CD109: variants seen among roughly 807,000 people sequenced by gnomAD.
CD109 encodes the protein CD109 molecule.
In CD109, 149 loss-of-function variants were observed where a neutral mutation model predicts 165.8. The ratio of observed to expected loss-of-function variants is 0.90; its 90% CI spans 0.79 to 1.03. The LOEUF is 1.03. Among genes scored for constraint, CD109 ranks in the 50% least tolerant of loss-of-function variants. The pLI, the probability that CD109 is intolerant of heterozygous loss-of-function variation, is 0.00. For synonymous variants in CD109, 585 were observed against 592.1 expected (o/e 0.99, Z 0.18); for missense variants, 1,712 against 1,677.8 (o/e 1.02, Z -0.36).
Position 73,788,456 on chromosome 6 carries a change from T to G in CD109, c.2557-12T>G, listed in dbSNP as rs778467924. 5 of 1,607,204 alleles carry G rather than the reference T, an allele frequency of 3.1e-6. 1 individual carries two copies. Among genetic ancestry groups the G allele is most frequent in the Non-Finnish European group, 4.2e-6 (5 of 1,178,210 alleles). The stretch of plus-strand genomic sequence containing the variant: ...TAGAGACCATGTTAATTGTGTTCAT[T>G]TTTTTCAACAGGCTGAAGGAATAGA... On this transcript the variant is annotated splice_polypyrimidine_tract_variant and intron_variant, in intron 21 of 32. Transcript: ENST00000287097.
intron 2 of CD109, among the ~76,000 whole-genome samples, chr6:73,713,910 T>C (rs187356232): frequency 8.5e-5 from 13 of 152,144 alleles, no homozygotes; most frequent in Non-Finnish European, 1.8e-4. Context: ...AAAAATAAAT[T>C]ACCACCCCTC....
intron 15 of CD109, among the ~76,000 whole-genome samples, chr6:73,776,252 T>A (rs543785015): frequency 3.3e-5 from 5 of 152,216 alleles, no homozygotes; most frequent in African/African-American, 1.2e-4. Context: ...TGTGTGTTTT[T>A]ATTTTATTTT....
intron 24 of CD109, among the ~76,000 whole-genome samples, chr6:73,804,550 T>G (rs1390219599): frequency 1.3e-5 from 2 of 152,160 alleles, no homozygotes; most frequent in Non-Finnish European, 2.9e-5. Context: ...TGTTGGCAGG[T>G]GGGGGCTGGG....
At position 73,766,822 on chromosome 6, in the gene CD109, A is replaced by G; in HGVS notation, c.1396A>G (p.Thr466Ala). 6.2e-7 allele frequency: 1 copy of G among 1,613,144 alleles called. No individual in the cohort carries two copies. The highest frequency in any genetic ancestry group is 8.5e-7 in the Non-Finnish European group (1 of 1,179,362). ...TAGTCTGTTTAAGTCTCCTAGTAAG[A>G]CATACATCCAACTAAAAACAAGAGA... ...VHSLFKSPSK[T>A]YIQLKTRDEN... The change falls in exon 12 of 33, where the codon ACA (threonine) becomes GCA (alanine). Residue 466 changes from threonine (T) to alanine (A), a missense_variant. Coordinates refer to ENST00000287097, the MANE Select transcript of CD109 (RefSeq NM_133493.5).
At chr6:73,805,891 CAGA>C (rs971605403) in intron 24 of CD109, among the ~76,000 whole-genome samples, 1 of 152,126 alleles carries the variant, frequency 6.6e-6, no homozygotes, top group Non-Finnish European at 1.5e-5. Context: ...CATCTCAAGG[CAGA>C]AGAATTTTTC....
At chr6:73,738,101 G>A (rs1035664292) in intron 5 of CD109, among the ~76,000 whole-genome samples, 2 of 152,154 alleles carry the variant, frequency 1.3e-5, no homozygotes, top group African/African-American at 2.4e-5. Flanking sequence ...AATGACATAA[G>A]GGGGACAGAC....
rs1379184950 is a variant in CD109 at position 73,782,764 on chromosome 6, T to G, written c.2105+9T>G. ...CTAGACACCAACATGGGGTAAAAAT[T>G]TATAAAGTTCTTTGCCCATACATAT... On this transcript the variant is annotated intron_variant, in intron 18 of 32. Transcript: ENST00000287097. 12 of 1,612,662 alleles carry G rather than the reference T, an allele frequency of 7.4e-6. No homozygotes were observed. Among genetic ancestry groups the G allele is most frequent in the Non-Finnish European group, 1.0e-5 (12 of 1,179,366 alleles).
At position 73,783,737 on chromosome 6, in the gene CD109, T is replaced by A; in HGVS notation, c.2136T>A (p.Thr712=). Residue 712 remains threonine (T), a synonymous_variant, in exon 19 of 33, where the codon ACT becomes ACA. Coordinates refer to ENST00000287097, the MANE Select transcript of CD109 (RefSeq NM_133493.5). ...GGATTTACCAAGAATTTGAAGTAAC[T>A]GTACCTGATTCTATCACTTCTTGGG... The part of the protein sequence containing the change: ...GYRIYQEFEV[T]VPDSITSWVA... 1 of 1,612,246 alleles carries A rather than the reference T, an allele frequency of 6.2e-7. No individual in the cohort carries two copies. Among genetic ancestry groups the A allele is most frequent in the Non-Finnish European group, 8.5e-7 (1 of 1,178,488 alleles).
At chr6:73,800,543 A>G (rs1410805800) in intron 23 of CD109, among the ~76,000 whole-genome samples, 1 of 152,232 alleles carries the variant, frequency 6.6e-6, no homozygotes, top group African/African-American at 2.4e-5. Flanking sequence ...TCCCTCTAGC[A>G]GTGGATCAGT....
Position 73,717,349 on chromosome 6 carries a change from T to G in CD109, c.248-5902T>G, listed in dbSNP as rs370976798. Among the ~76,000 whole-genome samples, 4 of 152,252 alleles carry G rather than the reference T, an allele frequency of 2.6e-5. No individual in the cohort carries two copies. In the East Asian group the frequency reaches 7.7e-4, roughly 29 times the overall value. On this transcript the variant is annotated intron_variant, in intron 2 of 32. Transcript: ENST00000287097. ...ATTTTGATAGAGATTGCATTAAATCTATAGATTGCTTTAGGCAGCATGGAC... is the reference window on the plus strand; with the variant it reads ...ATTTTGATAGAGATTGCATTAAATCGATAGATTGCTTTAGGCAGCATGGAC...
At chr6:73,762,961 C>T (rs1773690991) in intron 9 of CD109, 79 bp downstream of exon 9, 3 of 1,215,784 alleles carry the variant, frequency 2.5e-6, no homozygotes, top group Non-Finnish European at 3.4e-6. Flanking sequence ...CTGGCACTTT[C>T]ATTTGGGAGC....
intron 22 of CD109, among the ~76,000 whole-genome samples, chr6:73,792,106 C>T (rs1774991758): frequency 6.6e-6 from 1 of 152,080 alleles, no homozygotes; most frequent in African/African-American, 2.4e-5. Flanking sequence ...TTTTCCGAAT[C>T]CTTTTGATCC....
At chr6:73,819,964 G>GT (rs11423828) in intron 31 of CD109, among the ~76,000 whole-genome samples, 89,048 of 152,058 alleles carry the variant, frequency 0.59, 26,909 homozygotes, top group African/African-American at 0.74. Context: ...AATGAGTGTT[G>GT]TTGCCAAATT....
chr6:73,718,405 T>A (rs1464007480), intron 2 of CD109, among the ~76,000 whole-genome samples: 1 of 152,124 alleles, frequency 6.6e-6, no homozygotes, highest in Non-Finnish European at 1.5e-5. Context: ...TGGCTTTTTT[T>A]ATGTTGAGGT....
intron 2 of CD109, among the ~76,000 whole-genome samples, chr6:73,719,865 GA>G (rs1420486162): frequency 1.3e-5 from 2 of 152,158 alleles, no homozygotes; most frequent in African/African-American, 2.4e-5. Context: ...TTTACTTGCT[GA>G]AATATCCTAG....
At chr6:73,766,594 A>G (rs1773860396) in intron 11 of CD109, among the ~76,000 whole-genome samples, 165 bp from the exon 12 acceptor site, 1 of 151,538 alleles carries the variant, frequency 6.6e-6, no homozygotes, top group Non-Finnish European at 1.5e-5. Context: ...TCTTTACAGT[A>G]TAAGCTATAA....
intron 5 of CD109, among the ~76,000 whole-genome samples, chr6:73,749,614 G>A (rs1303895392): frequency 2.6e-5 from 4 of 152,220 alleles, no homozygotes; most frequent in South Asian, 2.1e-4. Context: ...ATTTCAATCA[G>A]TGATGCAAAT....
At chr6:73,726,297 T>G (rs559494906) in intron 3 of CD109, among the ~76,000 whole-genome samples, 1 of 152,296 alleles carries the variant, frequency 6.6e-6, no homozygotes, top group African/African-American at 2.4e-5. Context: ...ACCCCCAATA[T>G]GAAGTAAATA....
the CD109 span, among the ~76,000 whole-genome samples, chr6:73,687,421 G>GCT: frequency 6.7e-6 from 1 of 148,390 alleles, no homozygotes; most frequent in African/African-American, 2.5e-5. Context: ...TCACATGCAT[G>GCT]CTCTCTCTCT....
Sources: gnomAD v4.1 joint callset for allele counts (sites outside exome capture counted in the v4.1 genomes callset) on GRCh38, gnomAD v4.1.1 for gene constraint, MANE v1.5 for transcripts, NCBI Gene and HGNC (gene_info 2026-07-23, HGNC 2026-07-21) for gene names.